Variants in FSIP1 observed in about 807,000 individuals in gnomAD.
FSIP1 encodes the protein fibrous sheath-interacting protein 1.
A neutral mutation model predicts 60.9 loss-of-function variants in FSIP1; 65 were observed. The ratio of observed to expected loss-of-function variants is 1.07; its 90% confidence interval spans 0.87 to 1.31. The LOEUF (loss-of-function observed/expected upper bound fraction) is 1.31. Ranked by LOEUF, FSIP1 falls within the 40% of genes most tolerant of loss-of-function variation. The probability of loss-of-function intolerance (pLI) is 0.00; values close to 1 mark genes in which losing one functional copy is unlikely to be tolerated. For missense variants in FSIP1, 675 were observed against 665.5 expected, an observed-to-expected ratio of 1.01 and a Z score of -0.16; for synonymous variants, 209 against 221.2, an observed-to-expected ratio of 0.94 and a Z score of 0.49.
At chr15:39,609,675 G>A (rs376102727) in intron 11 of FSIP1, among the ~76,000 whole-genome samples, 14 of 152,138 alleles carry the variant, frequency 9.2e-5, no homozygotes, top group East Asian at 5.8e-4. Context: ...TCACCCAGTC[G>A]CTGAGCCCAG....
intron 11 of FSIP1, among the ~76,000 whole-genome samples, chr15:39,613,077 T>C (rs1350857494): frequency 6.6e-6 from 1 of 152,116 alleles, no homozygotes; most frequent in Non-Finnish European, 1.5e-5. Flanking sequence ...AAAAGATGAA[T>C]GTTAATATTA....
chr15:39,612,254 A>G (rs965834532), intron 11 of FSIP1, among the ~76,000 whole-genome samples: 1 of 152,216 alleles, frequency 6.6e-6, no homozygotes, highest in African/African-American at 2.4e-5. Flanking sequence ...ATAGGCCACA[A>G]AACAAGTCTT....
At chr15:39,725,562 T>C (rs1387622155) in intron 9 of FSIP1, among the ~76,000 whole-genome samples, 1 of 152,244 alleles carries the variant, frequency 6.6e-6, no homozygotes, top group African/African-American at 2.4e-5. Context: ...AGGCTACTGA[T>C]ATTTAAATCT....
chr15:39,674,914 G>A (rs1404003862), intron 10 of FSIP1, among the ~76,000 whole-genome samples: 2 of 152,088 alleles, frequency 1.3e-5, no homozygotes, highest in African/African-American at 4.8e-5. Flanking sequence ...GCTACAAACT[G>A]GGAGAGGATA....
chr15:39,626,300 G>A (rs1266064143), intron 10 of FSIP1, among the ~76,000 whole-genome samples: 1 of 152,198 alleles, frequency 6.6e-6, no homozygotes, highest in Non-Finnish European at 1.5e-5. Context: ...TGTCTTCTGT[G>A]TTGAGCTGGC....
chr15:39,708,599 CAA>C (rs1322170813), intron 10 of FSIP1, among the ~76,000 whole-genome samples: 2 of 152,224 alleles, frequency 1.3e-5, no homozygotes, highest in East Asian at 3.9e-4. Flanking sequence ...CTACCCCAAC[CAA>C]CACACACAAA....
At chr15:39,747,616 C>T (rs2140662099) in intron 5 of FSIP1, among the ~76,000 whole-genome samples, 1 of 152,292 alleles carries the variant, frequency 6.6e-6, no homozygotes, top group South Asian at 2.1e-4. Flanking sequence ...TTTCTGTTGT[C>T]TTCACAAAAC....
chr15:39,733,723 C>G (rs1224657563), intron 8 of FSIP1, among the ~76,000 whole-genome samples: 2 of 152,250 alleles, frequency 1.3e-5, no homozygotes, highest in East Asian at 3.9e-4. Flanking sequence ...CCTCAGAGGA[C>G]AGTCTCTTTG....
In FSIP1 at chr15:39,617,970, C is replaced by G. The variant is rs771747853; in HGVS notation, c.1464G>C (p.Leu488Phe). ...ASKGYYLTKALTGHNMSEALV... is the reference protein window; with the variant it reads ...ASKGYYLTKAFTGHNMSEALV... ...GAGCTTCTGACATGTTATGTCCAGT[C>G]AAGGCTTTAGTGAGATAGTAGCCTT... is the stretch of plus-strand genomic sequence containing the variant. The change falls in exon 11 of 12, where the codon TTG becomes TTC. Residue 488 changes from leucine to phenylalanine, a missense_variant. Leu to Phe is a conservative substitution (Grantham distance 22). Coordinates refer to ENST00000350221, the MANE Select transcript of FSIP1 (RefSeq NM_152597.5). 3 of 1,614,150 alleles carry G rather than the reference C, an allele frequency of 1.9e-6. No homozygotes were observed. Among genetic ancestry groups the G allele is most frequent in the South Asian group, 1.1e-5 (1 of 91,060 alleles).
intron 5 of FSIP1, among the ~76,000 whole-genome samples, chr15:39,743,894 A>C (rs548247891): frequency 1.2e-4 from 19 of 152,356 alleles, no homozygotes; most frequent in African/African-American, 4.6e-4. Context: ...CTACAAAATA[A>C]TAGGCCTACT....
chr15:39,597,501 G>A (rs1890495921), downstream of FSIP1: 1 of 151,342 alleles, frequency 6.6e-6, no homozygotes, highest in African/African-American at 2.4e-5. Context: ...TTCTCTACTG[G>A]CTTTATGTCA....
intron 10 of FSIP1, among the ~76,000 whole-genome samples, chr15:39,657,832 T>C (rs911184054): frequency 4.6e-5 from 7 of 152,252 alleles, no homozygotes; most frequent in Admixed American, 3.3e-4. Context: ...TCAAAAATCA[T>C]GAATTCAGGG....
chr15:39,727,241 T>C (rs1896235087), intron 8 of FSIP1, among the ~76,000 whole-genome samples: 2 of 152,260 alleles, frequency 1.3e-5, no homozygotes, highest in African/African-American at 4.8e-5. Context: ...TCAAACCCAT[T>C]CATTACATTC....
intron 4 of FSIP1, among the ~76,000 whole-genome samples, chr15:39,765,224 C>T: frequency 6.8e-6 from 1 of 146,480 alleles, no homozygotes; most frequent in Non-Finnish European, 1.5e-5. Flanking sequence ...TCTTACTCAT[C>T]TTAGAGGAAA....
chr15:39,722,077 C>T (rs574759520), intron 9 of FSIP1, among the ~76,000 whole-genome samples: 1 of 152,186 alleles, frequency 6.6e-6, no homozygotes, highest in Admixed American at 6.5e-5. Flanking sequence ...GCAGCTGCTC[C>T]CCATCACTCA....
chr15:39,644,925 C>T (rs1348620785), intron 10 of FSIP1, among the ~76,000 whole-genome samples: 3 of 152,208 alleles, frequency 2.0e-5, no homozygotes, highest in African/African-American at 7.2e-5. Context: ...GCTGAACAAT[C>T]ATCAGGCAGT....
At chr15:39,757,480 G>C (rs191262132) in intron 5 of FSIP1, among the ~76,000 whole-genome samples, 57 of 152,034 alleles carry the variant, frequency 3.7e-4, no homozygotes, top group African/African-American at 1.4e-3. Context: ...TATTCCAAAA[G>C]TTTCCTCTTT....
intron 1 of FSIP1, among the ~76,000 whole-genome samples, chr15:39,779,561 CTG>C (rs1186630106): frequency 6.6e-6 from 1 of 152,210 alleles, no homozygotes; most frequent in Non-Finnish European, 1.5e-5. Flanking sequence ...CATTTTTGCT[CTG>C]TCTTTTTCAA....
chr15:39,658,956 A>G (rs1893181995), intron 10 of FSIP1, among the ~76,000 whole-genome samples: 1 of 152,258 alleles, frequency 6.6e-6, no homozygotes, highest in Non-Finnish European at 1.5e-5. Context: ...ATATCCATAC[A>G]ATGAAATATT....
Sources: gnomAD v4.1 joint callset for allele counts (sites outside exome capture counted in the v4.1 genomes callset) on GRCh38, gnomAD v4.1.1 for gene constraint, MANE v1.5 for transcripts, NCBI Gene and HGNC (gene_info 2026-07-23, HGNC 2026-07-21) for gene names.